SHISA9: variants seen among roughly 807,000 people sequenced by gnomAD.
The protein encoded by SHISA9 is protein shisa-9.
SHISA9 carries 13 observed loss-of-function variants against 38.0 expected under a neutral mutation model. The observed-to-expected ratio is 0.34, with a 90% CI of 0.22 to 0.54. The LOEUF (loss-of-function observed/expected upper bound fraction) is 0.54. Among genes scored for constraint, SHISA9 ranks in the 20% least tolerant of loss-of-function variants. The pLI is 0.91. For missense variants in SHISA9, 538 were observed against 575.8 expected (o/e 0.93, Z 0.67); for synonymous variants, 275 against 242.0 (o/e 1.14, Z -1.27).
chr16:12,948,379 T>C (rs2071713571), intron 2 of SHISA9, among the ~76,000 whole-genome samples: 1 of 152,148 alleles, frequency 6.6e-6, no homozygotes, highest in Non-Finnish European at 1.5e-5. Context: ...TACAGAATGG[T>C]AGAAAGTAGA....
chr16:13,346,974 C>A, the SHISA9 span, among the ~76,000 whole-genome samples: 1 of 152,178 alleles, frequency 6.6e-6, no homozygotes, highest in Non-Finnish European at 1.5e-5. Context: ...GATTTATTCA[C>A]ATTTGTTCTA....
chr16:13,476,309 C>A, the SHISA9 span, among the ~76,000 whole-genome samples: 1 of 152,158 alleles, frequency 6.6e-6, no homozygotes, highest in Admixed American at 6.5e-5. Context: ...TGCTTCCTTA[C>A]CCCTCCCAAG....
chr16:13,446,167 G>C, the SHISA9 span, among the ~76,000 whole-genome samples: 5 of 151,850 alleles, frequency 3.3e-5, no homozygotes, highest in Admixed American at 3.3e-4. Context: ...GGATGGTCTC[G>C]GTCTCCTGAC....
intron 2 of SHISA9, among the ~76,000 whole-genome samples, chr16:13,083,973 G>C (rs370314183): frequency 6.6e-6 from 1 of 152,152 alleles, no homozygotes. Flanking sequence ...TTATAGACCG[G>C]AGAACTGAAG....
intron 2 of SHISA9, among the ~76,000 whole-genome samples, chr16:13,166,946 C>T (rs1478572351): frequency 1.3e-5 from 2 of 152,032 alleles, no homozygotes; most frequent in Non-Finnish European, 2.9e-5. Flanking sequence ...TGTCACAAAC[C>T]TGCACATCCT....
In SHISA9 at chr16:13,173,153, G is replaced by GCGCGCGCACA. The variant is rs201510616; in HGVS notation, c.692-30240_692-30239insGCGCGCACAC. ...TATCAGTCAGAAGAGATGCACGTGC[G>GCGCGCGCACA]CACACACACACACACACACACACAC... On this transcript the variant is annotated intron_variant, in intron 2 of 4. Coordinates refer to ENST00000558583, the MANE Select transcript of SHISA9 (RefSeq NM_001145204.3). Among the ~76,000 whole-genome samples the GCGCGCGCACA allele has an allele frequency of 1.1e-4, 16 of 150,800 alleles. No individual in the cohort carries two copies. In the East Asian group the frequency reaches 1.8e-3, roughly 17 times the overall value.
the SHISA9 span, among the ~76,000 whole-genome samples, chr16:13,253,093 A>G: frequency 6.6e-6 from 1 of 152,218 alleles, no homozygotes; most frequent in Non-Finnish European, 1.5e-5. Context: ...CTTAATAATA[A>G]CATTTTATTT....
chr16:13,198,925 T>C (rs1596724417), intron 2 of SHISA9, among the ~76,000 whole-genome samples: 1 of 152,204 alleles, frequency 6.6e-6, no homozygotes, highest in Non-Finnish European at 1.5e-5. Flanking sequence ...TGTCTACTTA[T>C]ATTAAGTAAC....
the SHISA9 span, among the ~76,000 whole-genome samples, chr16:13,327,650 A>C: frequency 6.6e-5 from 10 of 152,006 alleles, no homozygotes; most frequent in Non-Finnish European, 1.3e-4. Context: ...CCTTTCTTTG[A>C]GCCTCAAGAT....
chr16:13,294,819 T>A, the SHISA9 span, among the ~76,000 whole-genome samples: 2 of 152,160 alleles, frequency 1.3e-5, no homozygotes, highest in Non-Finnish European at 2.9e-5. Context: ...AATGGAAGCT[T>A]AATTAAAAGA....
the SHISA9 span, among the ~76,000 whole-genome samples, chr16:13,546,842 A>T: frequency 0.36 from 54,966 of 152,054 alleles, 10,636 homozygotes; most frequent in East Asian, 0.63. Context: ...TTAAGCCTAA[A>T]ATATTTGCTA....
the SHISA9 span, among the ~76,000 whole-genome samples, chr16:13,333,045 GC>G: frequency 6.6e-6 from 1 of 152,212 alleles, no homozygotes; most frequent in African/African-American, 2.4e-5. Flanking sequence ...CCTCTGCCGT[GC>G]CCGTCGAAGT....
chr16:13,502,024 G>C, the SHISA9 span, among the ~76,000 whole-genome samples: 2 of 151,154 alleles, frequency 1.3e-5, no homozygotes, highest in Non-Finnish European at 3.0e-5. Context: ...ATTGCTGAAA[G>C]AATGAACAAA....
At chr16:13,326,454 C>T in the SHISA9 span, among the ~76,000 whole-genome samples, 1 of 152,346 alleles carries the variant, frequency 6.6e-6, no homozygotes, top group Middle Eastern at 3.4e-3. Context: ...GGTGCAGTGG[C>T]TCATGGTTGT....
the SHISA9 span, among the ~76,000 whole-genome samples, chr16:13,281,035 A>G: frequency 1.3e-5 from 2 of 151,816 alleles, no homozygotes; most frequent in Non-Finnish European, 3.0e-5. Context: ...ATTACTTTTA[A>G]TATGCCATGT....
chr16:13,083,130 C>T (rs2073671842), intron 2 of SHISA9, among the ~76,000 whole-genome samples: 1 of 152,164 alleles, frequency 6.6e-6, no homozygotes, highest in African/African-American at 2.4e-5. Flanking sequence ...AGTGGGGTCA[C>T]CAGAGGACTA....
Position 13,235,026 on chromosome 16 carries a change from G to A in SHISA9, c.896-4G>A. ...CTTCTTCATCCACCCGTTCCGATGT[G>A]TAGCTGACAAGGTCAATGACGACTT... On this transcript the variant is annotated splice_region_variant and splice_polypyrimidine_tract_variant and intron_variant, in intron 4 of 4. Coordinates refer to ENST00000558583, the MANE Select transcript of SHISA9 (RefSeq NM_001145204.3). The A allele has an allele frequency of 6.5e-7, 1 of 1,539,988 alleles. No homozygotes were observed.
At position 13,233,293 on chromosome 16, in the gene SHISA9, A is replaced by C. The variant is rs1035508674; in HGVS notation, c.896-1737A>C. Among the ~76,000 whole-genome samples, 3 of 149,284 alleles carry C rather than the reference A, an allele frequency of 2.0e-5. No homozygotes were observed. The Admixed American group carries it at 2.1e-4, about 10-fold the overall frequency. ...TAAAAATGAAGGAAGAGAGGGAGGG[A>C]GGAAGAGAGAGAGGAAGAAGGAAGG... On this transcript the variant is annotated intron_variant, in intron 4 of 4. Coordinates refer to ENST00000558583, the MANE Select transcript of SHISA9 (RefSeq NM_001145204.3).
the SHISA9 span, among the ~76,000 whole-genome samples, chr16:13,462,336 C>G: frequency 6.6e-6 from 1 of 152,050 alleles, no homozygotes; most frequent in East Asian, 1.9e-4. Flanking sequence ...GTAATTCAGA[C>G]AAAAGAAACA....
Sources: gnomAD v4.1 joint callset for allele counts (sites outside exome capture counted in the v4.1 genomes callset) on GRCh38, gnomAD v4.1.1 for gene constraint, MANE v1.5 for transcripts, NCBI Gene and HGNC (gene_info 2026-07-23, HGNC 2026-07-21) for gene names.